The following LTBP1 variants were observed in gnomAD, a reference collection of about 807,000 sequenced individuals.
The protein encoded by LTBP1 is latent-transforming growth factor beta-binding protein 1.
LTBP1 carries 129 observed loss-of-function variants against 207.6 expected under a neutral mutation model. That is an observed-to-expected ratio of 0.62 (90% CI 0.54 to 0.72). The LOEUF (loss-of-function observed/expected upper bound fraction) is 0.72, where lower values mean the gene tolerates loss of function less well. LTBP1 is among the 30% of genes least tolerant of loss of function. LTBP1 has a pLI of 0.00. For synonymous variants in LTBP1, 963 were observed against 833.7 expected, an observed-to-expected ratio of 1.16 and a Z score of -2.67; for missense variants, 2,281 against 2,217.2, an observed-to-expected ratio of 1.03 and a Z score of -0.58.
intron 26 of LTBP1, among the ~76,000 whole-genome samples, chr2:33,355,871 T>G (rs2094852105): frequency 6.6e-6 from 1 of 152,198 alleles, no homozygotes; most frequent in Non-Finnish European, 1.5e-5. Context: ...GTTCACTCCT[T>G]AAGACCTCTT....
At chr2:33,238,921 T>C (rs1291202859) in intron 9 of LTBP1, among the ~76,000 whole-genome samples, 1 of 152,188 alleles carries the variant, frequency 6.6e-6, no homozygotes, top group Non-Finnish European at 1.5e-5. Flanking sequence ...GGCTGTTTTA[T>C]GTTGGGTTGT....
chr2:33,293,331 T>A (rs1419577123), intron 20 of LTBP1, 49 bp downstream of exon 20: 1 of 1,560,300 alleles, frequency 6.4e-7, no homozygotes, highest in Non-Finnish European at 8.7e-7. Flanking sequence ...TTCATTTAAA[T>A]ATAGATTAGA....
intron 2 of LTBP1, among the ~76,000 whole-genome samples, chr2:32,986,483 C>A (rs1183854582): frequency 6.6e-6 from 1 of 152,174 alleles, no homozygotes; most frequent in African/African-American, 2.4e-5. Flanking sequence ...GATTGGCTCT[C>A]CAGGGGTTCA....
intron 3 of LTBP1, among the ~76,000 whole-genome samples, chr2:33,050,737 CTTT>C (rs566264169): frequency 4.0e-4 from 58 of 143,400 alleles, no homozygotes; most frequent in East Asian, 3.9e-3. Context: ...TTGAAACTCT[CTTT>C]TTTTTTTTTT....
chr2:32,981,773 A>G (rs896538807), intron 2 of LTBP1, among the ~76,000 whole-genome samples: 5 of 152,180 alleles, frequency 3.3e-5, no homozygotes, highest in Admixed American at 6.5e-5. Context: ...AAGTCTCACA[A>G]GATCTGATGG....
At chr2:33,222,291 A>G (rs1394326201) in intron 9 of LTBP1, 140 bp downstream of exon 9, 2 of 642,412 alleles carry the variant, frequency 3.1e-6, no homozygotes, top group Non-Finnish European at 5.8e-6. Context: ...GGCTAAGGAA[A>G]TGTAAGGAAA....
chr2:33,265,103 ACC>A (rs1025930965), intron 15 of LTBP1, among the ~76,000 whole-genome samples: 9 of 152,132 alleles, frequency 5.9e-5, no homozygotes, highest in Non-Finnish European at 1.2e-4. Flanking sequence ...CAGATAGGAT[ACC>A]CACCCACGCT....
Position 33,016,085 on chromosome 2 carries a change from A to C in LTBP1, c.566-4824A>C, listed in dbSNP as rs868110700. Among the ~76,000 whole-genome samples, 11 of 152,244 alleles carry C rather than the reference A, an allele frequency of 7.2e-5. 1 individual carries two copies. In the South Asian group the frequency reaches 2.1e-3, roughly 29 times the overall value. On this transcript the variant is annotated intron_variant, in intron 2 of 33. Transcript: ENST00000404816. ...TCAGTGGACATTTGGGAGAGACTTC[A>C]TACAGAAGGGTGGGAGAAGGGTGGG...
intron 24 of LTBP1, among the ~76,000 whole-genome samples, chr2:33,318,235 C>T (rs1307730791): frequency 1.3e-5 from 2 of 152,122 alleles, no homozygotes; most frequent in Non-Finnish European, 1.5e-5. Flanking sequence ...GGATAGATAG[C>T]TGGGAGAGGA....
chr2:32,995,211 T>C (rs1572989882), intron 2 of LTBP1, among the ~76,000 whole-genome samples: 1 of 151,026 alleles, frequency 6.6e-6, no homozygotes, highest in Non-Finnish European at 1.5e-5. Flanking sequence ...TTCAGATGAC[T>C]GTTACTCATA....
At chr2:33,239,441 C>T (rs1302782789) in intron 9 of LTBP1, among the ~76,000 whole-genome samples, 4 of 152,148 alleles carry the variant, frequency 2.6e-5, no homozygotes, top group Admixed American at 6.5e-5. Context: ...GTGGTTATAC[C>T]ACTTCTTCAA....
chr2:33,097,695 TA>T (rs1479276812), intron 3 of LTBP1, among the ~76,000 whole-genome samples: 1 of 152,220 alleles, frequency 6.6e-6, no homozygotes, highest in African/African-American at 2.4e-5. Flanking sequence ...TTAACTTTTT[TA>T]GTGCTTAATA....
intron 11 of LTBP1, among the ~76,000 whole-genome samples, chr2:33,256,390 A>T (rs986371937): frequency 2.6e-5 from 4 of 151,888 alleles, no homozygotes; most frequent in African/African-American, 9.7e-5. Context: ...TAACCAGCTG[A>T]TACATGGCAT....
At chr2:33,129,426 A>G (rs1204557686) in intron 4 of LTBP1, among the ~76,000 whole-genome samples, 5 of 152,158 alleles carry the variant, frequency 3.3e-5, no homozygotes, top group African/African-American at 1.2e-4. Flanking sequence ...ACCACACCAG[A>G]CTGTCCCACG....
intron 2 of LTBP1, among the ~76,000 whole-genome samples, chr2:32,999,595 A>G (rs1558495315): frequency 7.4e-6 from 1 of 134,538 alleles, no homozygotes; most frequent in Middle Eastern, 4.1e-3. Context: ...CCCTGCCTCA[A>G]AAAGATCCAG....
intron 3 of LTBP1, among the ~76,000 whole-genome samples, chr2:33,043,037 G>T (rs114217900): frequency 3.1e-3 from 465 of 152,258 alleles, no homozygotes; most frequent in African/African-American, 0.011. Flanking sequence ...TTTTTATGGG[G>T]AATGGTTACA....
intron 2 of LTBP1, among the ~76,000 whole-genome samples, chr2:32,961,668 G>A (rs1314467757): frequency 1.3e-5 from 2 of 152,146 alleles, no homozygotes; most frequent in Non-Finnish European, 1.5e-5. Flanking sequence ...AAAAGGGGCC[G>A]GGTGTGGTGG....
chr2:33,045,253 C>A (rs929661866), intron 3 of LTBP1, among the ~76,000 whole-genome samples: 1 of 152,128 alleles, frequency 6.6e-6, no homozygotes, highest in Non-Finnish European at 1.5e-5. Context: ...TTAGGTCTTA[C>A]ATTTAAGTCT....
intron 19 of LTBP1, among the ~76,000 whole-genome samples, chr2:33,282,774 A>T (rs77666505): frequency 2.6e-5 from 4 of 152,158 alleles, no homozygotes; most frequent in African/African-American, 9.7e-5. Context: ...ATTGAGAGTG[A>T]CTAAAATAGG....
Sources: gnomAD v4.1 joint callset for allele counts (sites outside exome capture counted in the v4.1 genomes callset) on GRCh38, gnomAD v4.1.1 for gene constraint, MANE v1.5 for transcripts, NCBI Gene and HGNC (gene_info 2026-07-23, HGNC 2026-07-21) for gene names.